The following PCDH9 variants were observed in gnomAD, a reference collection of about 807,000 sequenced individuals.
PCDH9 encodes the protein protocadherin 9.
A neutral mutation model predicts 70.6 loss-of-function variants in PCDH9; 24 were observed. The observed-to-expected ratio is 0.34, with a 90% CI of 0.25 to 0.48. The LOEUF is 0.48. PCDH9 is among the 20% of genes least tolerant of loss of function. The pLI, the probability that PCDH9 is intolerant of heterozygous loss-of-function variation, is 0.99. For missense variants in PCDH9, 1,281 were observed against 1,503.6 expected (o/e 0.85, Z 2.45); for synonymous variants, 562 against 558.5 (o/e 1.01, Z -0.09).
intron 3 of PCDH9, among the ~76,000 whole-genome samples, chr13:66,732,514 T>G (rs890145508): frequency 6.6e-6 from 1 of 151,930 alleles, no homozygotes; most frequent in Non-Finnish European, 1.5e-5. Context: ...AAAGAAAAAA[T>G]ATTACCACCC....
At chr13:66,691,062 G>T (rs2078477328) in intron 3 of PCDH9, among the ~76,000 whole-genome samples, 1 of 151,478 alleles carries the variant, frequency 6.6e-6, no homozygotes, top group Non-Finnish European at 1.5e-5. Flanking sequence ...TTTTGAGATG[G>T]AGTCTCACCC....
intron 3 of PCDH9, among the ~76,000 whole-genome samples, chr13:66,650,098 C>T (rs1321379767): frequency 6.6e-6 from 1 of 151,630 alleles, no homozygotes; most frequent in Non-Finnish European, 1.5e-5. Context: ...ACAAAACAAC[C>T]AGAATACAAC....
At chr13:66,907,852 A>G (rs1279448715) in intron 2 of PCDH9, among the ~76,000 whole-genome samples, 1 of 152,206 alleles carries the variant, frequency 6.6e-6, no homozygotes, top group East Asian at 1.9e-4. Flanking sequence ...AAAAATCAAT[A>G]GCACTTTCAT....
chr13:66,608,306 C>T (rs1449956314), intron 4 of PCDH9, among the ~76,000 whole-genome samples: 1 of 152,036 alleles, frequency 6.6e-6, no homozygotes, highest in East Asian at 1.9e-4. Context: ...ATAAGCTGGT[C>T]TGATTGCCTA....
intron 2 of PCDH9, among the ~76,000 whole-genome samples, chr13:67,050,470 A>G (rs2085300267): frequency 6.6e-6 from 1 of 152,208 alleles, no homozygotes; most frequent in Non-Finnish European, 1.5e-5. Flanking sequence ...AGAAGCACTA[A>G]TAATTATGTT....
chr13:66,372,642 GT>G (rs1349531475), intron 4 of PCDH9, among the ~76,000 whole-genome samples: 5 of 151,596 alleles, frequency 3.3e-5, no homozygotes, highest in Non-Finnish European at 7.4e-5. Context: ...TTTGTCATAA[GT>G]TTAAAAGCAT....
intron 2 of PCDH9, among the ~76,000 whole-genome samples, chr13:66,947,614 G>A (rs766934477): frequency 6.6e-6 from 1 of 152,132 alleles, no homozygotes; most frequent in Non-Finnish European, 1.5e-5. Context: ...GGAGACAGAT[G>A]TGAATGGAGA....
intron 3 of PCDH9, among the ~76,000 whole-genome samples, chr13:66,756,085 A>T (rs1297850237): frequency 6.6e-6 from 1 of 152,216 alleles, no homozygotes; most frequent in East Asian, 1.9e-4. Context: ...GAGTGAAGAT[A>T]TGGCTACTGT....
At chr13:66,583,384 A>G (rs2076919740) in intron 4 of PCDH9, among the ~76,000 whole-genome samples, 1 of 152,078 alleles carries the variant, frequency 6.6e-6, no homozygotes, top group Non-Finnish European at 1.5e-5. Flanking sequence ...AGGCTGAGGC[A>G]GGTGGATCAC....
chr13:66,927,604 T>C (rs1257741907), intron 2 of PCDH9, among the ~76,000 whole-genome samples: 1 of 152,034 alleles, frequency 6.6e-6, no homozygotes, highest in African/African-American at 2.4e-5. Context: ...AGCCTAGAAA[T>C]CTGAGAATGA....
intron 3 of PCDH9, among the ~76,000 whole-genome samples, chr13:66,862,725 T>C (rs2081504743): frequency 1.3e-5 from 2 of 152,164 alleles, no homozygotes; most frequent in Admixed American, 6.5e-5. Flanking sequence ...CAGTTGAGGG[T>C]CCCCTTCTCA....
chr13:66,603,031 C>A (rs919255577), intron 4 of PCDH9, among the ~76,000 whole-genome samples: 2 of 145,696 alleles, frequency 1.4e-5, no homozygotes, highest in Admixed American at 1.4e-4. Context: ...TGTGTAAGTA[C>A]CCTCTTTGAT....
intron 4 of PCDH9, among the ~76,000 whole-genome samples, chr13:66,424,446 T>C (rs7336222): frequency 0.38 from 57,930 of 151,740 alleles, 11,972 homozygotes; most frequent in East Asian, 0.51. Flanking sequence ...GAGGACCATT[T>C]GGGAGAAGTA....
In PCDH9 at chr13:66,562,849, C is replaced by T. The variant is rs761942576; in HGVS notation, c.3340+68361G>A. On this transcript the variant is annotated intron_variant, in intron 4 of 4. Transcript: ENST00000377865. ...CCATTTCATATGAGAAAGGATAAAA[C>T]GAAACTAGCAGTTTATGCTTATACT... Among the ~76,000 whole-genome samples the T allele has an allele frequency of 4.6e-5, 7 of 152,104 alleles. No individual in the cohort carries two copies. The South Asian group carries it at 6.3e-4, about 14-fold the overall frequency.
chr13:66,713,804 C>T (rs142195170), intron 3 of PCDH9, among the ~76,000 whole-genome samples: 51 of 151,746 alleles, frequency 3.4e-4, no homozygotes, highest in African/African-American at 1.2e-3. Flanking sequence ...AACATGAAGA[C>T]AATGAAGATA....
At chr13:66,997,391 G>A (rs1019857525) in intron 2 of PCDH9, among the ~76,000 whole-genome samples, 15 of 152,274 alleles carry the variant, frequency 9.9e-5, no homozygotes, top group African/African-American at 3.6e-4. Context: ...CAAATCCTAT[G>A]TGAACTCATA....
At chr13:66,747,406 T>C (rs55699704) in intron 3 of PCDH9, among the ~76,000 whole-genome samples, 39 of 151,280 alleles carry the variant, frequency 2.6e-4, no homozygotes, top group African/African-American at 9.2e-4. Context: ...ACAAAAAGCA[T>C]ATATATGGCA....
chr13:67,020,491 A>G lies in PCDH9; in HGVS notation c.3037-116886T>C, dbSNP rs578067319. On this transcript the variant is annotated intron_variant, in intron 2 of 4. Transcript: ENST00000377865. ...CCAGGTAGGACTGAACCCCTGAAGA[A>G]GAATTCCCACGTTAGAAGACAAAAT... 2.6e-5 allele frequency among the ~76,000 whole-genome samples: 4 copies of G among 152,352 alleles called. No individual in the cohort carries two copies. In the South Asian group the frequency reaches 8.3e-4, roughly 32 times the overall value.
chr13:66,581,284 A>G (rs916496364), intron 4 of PCDH9, among the ~76,000 whole-genome samples: 13 of 152,206 alleles, frequency 8.5e-5, no homozygotes, highest in African/African-American at 3.1e-4. Context: ...TGTCACTGGC[A>G]ACTCAGTATC....
Sources: allele counts gnomAD v4.1 joint callset (sites outside exome capture counted in the v4.1 genomes callset), GRCh38; gene constraint gnomAD v4.1.1; transcripts MANE v1.5; gene names NCBI Gene and HGNC (gene_info 2026-07-23, HGNC 2026-07-21).